ARHGEF7: variants seen among roughly 807,000 people sequenced by gnomAD.
ARHGEF7 encodes PAK-interacting exchange factor beta.
Under a neutral mutation model 109.8 loss-of-function variants are expected in ARHGEF7, and 33 were observed. The ratio of observed to expected loss-of-function variants is 0.30; its 90% CI spans 0.23 to 0.40. ARHGEF7 has a LOEUF of 0.40. Among genes scored for constraint, ARHGEF7 ranks in the 10% least tolerant of loss-of-function variants. The pLI is 1.00. For missense variants in ARHGEF7, 938 were observed against 1,098.5 expected (o/e 0.85, Z 2.07); for synonymous variants, 458 against 424.6 (o/e 1.08, Z -0.97).
chr13:111,294,091 A>G, intron 19 of ARHGEF7: 2 of 985,474 alleles, frequency 2.0e-6, no homozygotes, highest in Non-Finnish European at 2.4e-6. Context: ...AAGAACATTG[A>G]GGAGCAGTCA....
intron 18 of ARHGEF7, among the ~76,000 whole-genome samples, chr13:111,290,479 G>A (rs1421183697): frequency 4.6e-5 from 7 of 152,182 alleles, no homozygotes; most frequent in African/African-American, 1.4e-4. Flanking sequence ...GGACTGGAGC[G>A]TCTGAGGATT....
At chr13:111,119,289 C>T (rs969056645) in intron 1 of ARHGEF7, among the ~76,000 whole-genome samples, 1 of 152,202 alleles carries the variant, frequency 6.6e-6, no homozygotes. Flanking sequence ...AAGGCCCCAT[C>T]CTGAGATACT....
intron 19 of ARHGEF7, 55 bp downstream of exon 19, chr13:111,292,349 T>C (rs1289749718): frequency 1.9e-6 from 3 of 1,603,108 alleles, no homozygotes; most frequent in African/African-American, 1.3e-5. Flanking sequence ...TCTGAGCTTT[T>C]CTTAACAAAT....
At chr13:111,169,066 CA>C (rs1442169286) in intron 2 of ARHGEF7, among the ~76,000 whole-genome samples, 1 of 152,134 alleles carries the variant, frequency 6.6e-6, no homozygotes, top group East Asian at 1.9e-4. Context: ...CAAATAATGA[CA>C]ATAGTAGCGG....
At chr13:111,156,080 CAAAAAAAAAAA>C (rs56803261) in intron 2 of ARHGEF7, among the ~76,000 whole-genome samples, 24 of 123,694 alleles carry the variant, frequency 1.9e-4, no homozygotes, top group African/African-American at 7.3e-4. Flanking sequence ...AAGACTCCCT[CAAAAAAAAAAA>C]AAAAAAAAAA....
intron 2 of ARHGEF7, among the ~76,000 whole-genome samples, chr13:111,178,628 C>T (rs147889895): frequency 0.016 from 2,399 of 152,312 alleles, 37 homozygotes; most frequent in Middle Eastern, 0.058. Flanking sequence ...TGGTACTTAG[C>T]GCTGTCCAGC....
intron 9 of ARHGEF7, among the ~76,000 whole-genome samples, chr13:111,270,990 G>C (rs2092096921): frequency 6.6e-6 from 1 of 152,214 alleles, no homozygotes; most frequent in African/African-American, 2.4e-5. Flanking sequence ...CCCGTGGTCA[G>C]AGGGGCCGGC....
Position 111,305,487 on chromosome 13 carries a change from T to A in ARHGEF7, c.*2374T>A, listed in dbSNP as rs2093633100. 1 of 152,262 alleles carries A rather than the reference T, an allele frequency of 6.6e-6. No individual in the cohort carries two copies. The highest frequency in any genetic ancestry group is 6.5e-5 in the Admixed American group (1 of 15,292). The allele number at this position is 152,262 out of a possible 1,614,324, so 9.4% of individuals were successfully genotyped here. On this transcript the variant is annotated 3_prime_UTR_variant, in exon 22 of 22. Coordinates refer to ENST00000646102, the MANE Select transcript of ARHGEF7 (RefSeq NM_001354046.2). ...GAATGTAGCATCAGAAGCTCGTTCCTTCACACTCAGTGGCGTCTGTGCTTG... is the reference window on the plus strand; with the variant it reads ...GAATGTAGCATCAGAAGCTCGTTCCATCACACTCAGTGGCGTCTGTGCTTG...
At chr13:111,248,393 C>T (rs10851260) in intron 8 of ARHGEF7, among the ~76,000 whole-genome samples, 5 of 151,966 alleles carry the variant, frequency 3.3e-5, no homozygotes, top group Non-Finnish European at 5.9e-5. Context: ...TCTGACTTCT[C>T]GAACTTGAAA....
At chr13:111,250,516 A>G (rs2089607126) in intron 8 of ARHGEF7, among the ~76,000 whole-genome samples, 1 of 152,242 alleles carries the variant, frequency 6.6e-6, no homozygotes, top group African/African-American at 2.4e-5. Context: ...GGGGAAGATC[A>G]CTGAGCACTG....
intron 2 of ARHGEF7, among the ~76,000 whole-genome samples, chr13:111,177,533 T>G (rs1481271167): frequency 6.6e-6 from 1 of 152,188 alleles, no homozygotes; most frequent in African/African-American, 2.4e-5. Flanking sequence ...GAGAATGTGT[T>G]CTCAGTATCC....
At chr13:111,119,417 G>T (rs369671595) in intron 1 of ARHGEF7, among the ~76,000 whole-genome samples, 2 of 152,216 alleles carry the variant, frequency 1.3e-5, no homozygotes, top group East Asian at 3.8e-4. Flanking sequence ...ACAATGCCAG[G>T]TGCTAGGGGA....
At chr13:111,207,383 G>T (rs2082017859) in intron 3 of ARHGEF7, among the ~76,000 whole-genome samples, 1 of 152,196 alleles carries the variant, frequency 6.6e-6, no homozygotes, top group South Asian at 2.1e-4. Flanking sequence ...GCCCAGGCTT[G>T]TCTTAAACTC....
chr13:111,125,074 T>A (rs1594824536), intron 1 of ARHGEF7, among the ~76,000 whole-genome samples: 1 of 152,252 alleles, frequency 6.6e-6, no homozygotes, highest in Non-Finnish European at 1.5e-5. Context: ...GTCTTCTAGT[T>A]TTATTGAAGA....
intron 1 of ARHGEF7, among the ~76,000 whole-genome samples, chr13:111,118,107 C>G (rs1427237424): frequency 6.6e-6 from 1 of 152,270 alleles, no homozygotes; most frequent in Admixed American, 6.5e-5. Context: ...TTCGCCTCTG[C>G]AGGCTCACAA....
intron 2 of ARHGEF7, among the ~76,000 whole-genome samples, chr13:111,191,351 A>G (rs1018983336): frequency 6.6e-6 from 1 of 152,208 alleles, no homozygotes; most frequent in Non-Finnish European, 1.5e-5. Context: ...GATGGTATTC[A>G]TAGTAACAGG....
chr13:111,144,841 T>C (rs1411616976), intron 1 of ARHGEF7: 1 of 152,188 alleles, frequency 6.6e-6, no homozygotes, highest in African/African-American at 2.4e-5. Context: ...TCTTCTCTAA[T>C]GTATTTAATA....
intron 11 of ARHGEF7, among the ~76,000 whole-genome samples, chr13:111,275,271 T>C (rs1368474736): frequency 6.6e-6 from 1 of 152,214 alleles, no homozygotes; most frequent in Non-Finnish European, 1.5e-5. Context: ...TTTGTACAAG[T>C]GGCAAAATGT....
chr13:111,178,377 TA>T, intron 2 of ARHGEF7, among the ~76,000 whole-genome samples: 1 of 152,334 alleles, frequency 6.6e-6, no homozygotes, highest in African/African-American at 2.4e-5. Flanking sequence ...TTATCCAAAA[TA>T]TGTGTTTTTG....
Sources: gnomAD v4.1 joint callset for allele counts (sites outside exome capture counted in the v4.1 genomes callset) on GRCh38, gnomAD v4.1.1 for gene constraint, MANE v1.5 for transcripts, NCBI Gene and HGNC (gene_info 2026-07-23, HGNC 2026-07-21) for gene names.